The following IL4R variants were observed in gnomAD, a reference collection of about 807,000 sequenced individuals.
IL4R encodes the protein interleukin 4 receptor.
In IL4R, 17 loss-of-function variants were observed where a neutral mutation model predicts 41.5. The observed-to-expected ratio is 0.41, with a 90% CI of 0.28 to 0.61. The LOEUF (loss-of-function observed/expected upper bound fraction) is 0.61, where lower values mean the gene tolerates loss of function less well. IL4R is among the 20% of genes least tolerant of loss of function. The pLI is 0.31. For missense variants in IL4R, 974 were observed against 1,043.1 expected (o/e 0.93, Z 0.91); for synonymous variants, 402 against 422.9 (o/e 0.95, Z 0.61).
intron 10 of IL4R, chr16:27,361,050 T>G: frequency 7.1e-7 from 1 of 1,414,394 alleles, no homozygotes; most frequent in Non-Finnish European, 9.2e-7. Flanking sequence ...GGGAGTGCTG[T>G]TATAGTTAAC....
chr16:27,363,326 C>T lies in IL4R; in HGVS notation c.1974C>T (p.Asp658=). ...VPVPLFTFGL[D]REPPRSPQSS... The stretch of plus-strand genomic sequence containing the variant: ...TCCCCTTGTTCACCTTTGGACTGGA[C>T]AGGGAGCCACCTCGCAGTCCGCAGA... The change falls in exon 11 of 11, where the codon GAC becomes GAT. Residue 658 remains aspartate, a synonymous_variant. Coordinates refer to ENST00000395762, the MANE Select transcript of IL4R (RefSeq NM_000418.4). 6.2e-7 allele frequency: 1 copy of T among 1,613,248 alleles called. No individual in the cohort carries two copies. Among genetic ancestry groups the T allele is most frequent in the Non-Finnish European group, 8.5e-7 (1 of 1,179,570 alleles).
At chr16:27,330,027 CTT>C (rs1039965945) in intron 1 of IL4R, 37 bp from the exon 2 acceptor site, 1 of 151,972 alleles carries the variant, frequency 6.6e-6, no homozygotes, top group Non-Finnish European at 1.5e-5. Context: ...GGAATTGGCT[CTT>C]TTCTTCATTT....
intron 5 of IL4R, 100 bp from the exon 6 acceptor site, chr16:27,346,367 C>T (rs2085643575): frequency 7.9e-7 from 1 of 1,260,600 alleles, no homozygotes; most frequent in African/African-American, 1.5e-5. Flanking sequence ...TTTTGTCGAC[C>T]AAAAATCTGG....
chr16:27,326,836 G>C (rs1015585745), intron 1 of IL4R, among the ~76,000 whole-genome samples: 4 of 152,114 alleles, frequency 2.6e-5, no homozygotes, highest in African/African-American at 9.7e-5. Flanking sequence ...TGGCTGGGCT[G>C]GGGACGGAGC....
chr16:27,342,064 A>G, intron 3 of IL4R, 57 bp from the exon 4 acceptor site: 1 of 1,591,330 alleles, frequency 6.3e-7, no homozygotes, highest in Non-Finnish European at 8.6e-7. Flanking sequence ...TTTGGGTGCA[A>G]GTCCCCCTCA....
intron 6 of IL4R, among the ~76,000 whole-genome samples, chr16:27,349,396 C>G (rs949763294): frequency 2.6e-5 from 4 of 152,192 alleles, no homozygotes; most frequent in African/African-American, 7.2e-5. Flanking sequence ...TAGAGCTACT[C>G]ATTCATTCCC....
At chr16:27,352,208 T>C (rs1031760246) in intron 6 of IL4R, among the ~76,000 whole-genome samples, 4 of 152,258 alleles carry the variant, frequency 2.6e-5, no homozygotes, top group Non-Finnish European at 4.4e-5. Flanking sequence ...AGAGGTTATG[T>C]CACTTACTTA....
intron 1 of IL4R, among the ~76,000 whole-genome samples, chr16:27,329,570 G>A (rs574749349): frequency 2.1e-4 from 32 of 151,458 alleles, no homozygotes; most frequent in Non-Finnish European, 3.4e-4. Context: ...CCAGCTACTC[G>A]AGAGGCTGAG....
intron 1 of IL4R, among the ~76,000 whole-genome samples, chr16:27,315,217 A>G (rs1166624595): frequency 6.6e-6 from 1 of 152,122 alleles, no homozygotes; most frequent in Non-Finnish European, 1.5e-5. Context: ...CCAAAGTCCA[A>G]TGGGGAAACA....
chr16:27,353,416 CAT>C (rs1410448276), intron 7 of IL4R, among the ~76,000 whole-genome samples: 2 of 152,166 alleles, frequency 1.3e-5, no homozygotes, highest in Non-Finnish European at 2.9e-5. Context: ...CATTTAAACA[CAT>C]TTTTAATCTA....
rs779320253 is a variant in IL4R at position 27,345,013 on chromosome 16, C to T, written c.354C>T (p.Ser118=). 29 of 1,531,582 alleles carry T rather than the reference C, an allele frequency of 1.9e-5. No individual in the cohort carries two copies. Among genetic ancestry groups the T allele is most frequent in the African/African-American group, 2.8e-5 (2 of 71,822 alleles). The allele number at this position is 1,531,582 out of a possible 1,614,324, so 94.9% of individuals were successfully genotyped here. ...TGTGGAAGGGCTCCTTCAAGCCCAG[C>T]GAGCATGGTGAGCAGGGCGGAGTGC... ...QLLWKGSFKP[S]EHVKPRAPGN... is the part of the protein sequence containing the mutation. The change falls in exon 5 of 11, where the codon AGC becomes AGT. Residue 118 remains serine, a synonymous_variant. Transcript: ENST00000395762. This position sits in a 1 kb window ranked among gnomAD's most constrained non-coding sequence, Gnocchi z 4.5.
At position 27,313,992 on chromosome 16, in the gene IL4R, C is replaced by T. The variant is rs1465798259; in HGVS notation, c.-180C>T. 1.0e-6 allele frequency: 1 copy of T among 984,642 alleles called. No individual in the cohort carries two copies. Among genetic ancestry groups the T allele is most frequent in the Non-Finnish European group, 1.2e-6 (1 of 829,688 alleles). The allele number at this position is 984,642 out of a possible 1,614,324, so 61.0% of individuals were successfully genotyped here. ...GTCCCCCACTTCCCGCTTGGGCGCC[C>T]GGACGGCGAATGGAGCAGGGGCGCG... On this transcript the variant is annotated 5_prime_UTR_variant, in exon 1 of 11. Transcript: ENST00000395762.
intron 1 of IL4R, among the ~76,000 whole-genome samples, chr16:27,317,735 C>T (rs1190919790): frequency 2.0e-5 from 3 of 152,174 alleles, no homozygotes; most frequent in Admixed American, 6.5e-5. Flanking sequence ...CCCAGCTCTC[C>T]ACTGTGTAAT....
At chr16:27,322,390 C>T (rs992521319) in intron 1 of IL4R, among the ~76,000 whole-genome samples, 2 of 152,074 alleles carry the variant, frequency 1.3e-5, no homozygotes, top group East Asian at 3.9e-4. Context: ...TTTCCCGGGC[C>T]AGTCTCAAAC....
At chr16:27,332,009 T>A (rs1179990217) in intron 2 of IL4R, among the ~76,000 whole-genome samples, 2 of 152,022 alleles carry the variant, frequency 1.3e-5, no homozygotes, top group East Asian at 3.8e-4. Flanking sequence ...ACAGGATCTT[T>A]CTCTGTTGCC....
chr16:27,338,336 A>G (rs1272498067), intron 2 of IL4R, among the ~76,000 whole-genome samples: 2 of 148,674 alleles, frequency 1.3e-5, no homozygotes, highest in Admixed American at 6.7e-5. Context: ...TCCCACCTCA[A>G]CCTCCCAAGT....
At chr16:27,351,703 CAG>C (rs2085884961) in intron 6 of IL4R, among the ~76,000 whole-genome samples, 2 of 151,986 alleles carry the variant, frequency 1.3e-5, no homozygotes, top group South Asian at 4.2e-4. Flanking sequence ...TTAGTAGAGA[CAG>C]AGTTTCACCA....
rs138392496 is a variant in IL4R at position 27,363,126 on chromosome 16, G to A, written c.1774G>A (p.Val592Met). 16 of 1,613,898 alleles carry A rather than the reference G, an allele frequency of 9.9e-6. No homozygotes were observed. The highest frequency in any genetic ancestry group is 1.3e-5 in the African/African-American group (1 of 74,948). Residue 592 changes from valine to methionine, a missense_variant, in exon 11 of 11, where the codon GTG becomes ATG. Physicochemically the swap from Val to Met is conservative, Grantham distance 21. This residue lies in a region of IL4R where 682 missense variants were observed against 704.3 expected (regional missense o/e 0.97). Transcript: ENST00000395762. Reference sequence around the variant, plus strand: ...GCAGGGTGGCACCCAGGCCAGTGCGGTGGTGGGCTTGGGTCCCCCAGGAGA... The same window carrying A: ...GCAGGGTGGCACCCAGGCCAGTGCGATGGTGGGCTTGGGTCCCCCAGGAGA... ...VEQGGTQASA[V>M]VGLGPPGEAG...
chr16:27,340,167 G>A lies in IL4R; in HGVS notation c.-18-19G>A. The A allele has an allele frequency of 1.3e-6, 2 of 1,590,600 alleles. No homozygotes were observed. The highest frequency in any genetic ancestry group is 1.7e-6 in the Non-Finnish European group (2 of 1,161,630). On this transcript the variant is annotated intron_variant, in intron 2 of 10. Coordinates refer to ENST00000395762, the MANE Select transcript of IL4R (RefSeq NM_000418.4). ...TGGAAGCACAGGTCAGCACTAACCT[G>A]CTTCCTCTCTCTCTGCAGGTGCCTT...
Sources: allele counts gnomAD v4.1 joint callset (sites outside exome capture counted in the v4.1 genomes callset), GRCh38; gene constraint gnomAD v4.1.1; regional missense constraint gnomAD v4.1.1; non-coding constraint Gnocchi (gnomAD v3.1); transcripts MANE v1.5; gene names NCBI Gene and HGNC (gene_info 2026-07-23, HGNC 2026-07-21).